The following MYBPC3 variants were observed in gnomAD, a reference collection of about 807,000 sequenced individuals.
MYBPC3 encodes myosin-binding protein C, cardiac-type.
In MYBPC3, 108 loss-of-function variants were observed where a neutral mutation model predicts 159.3. That is an observed-to-expected ratio of 0.68 (90% CI 0.58 to 0.80). The LOEUF is 0.80. Ranked by LOEUF, MYBPC3 falls within the 30% of genes least tolerant of loss-of-function variation. The pLI, the probability that MYBPC3 is intolerant of heterozygous loss-of-function variation, is 0.00. For synonymous variants in MYBPC3, 730 were observed against 702.0 expected (o/e 1.04, Z -0.63); for missense variants, 1,631 against 1,762.1 (o/e 0.93, Z 1.33).
Position 47,332,235 on chromosome 11 carries a change from A to G in MYBPC3, c.3651T>C (p.Asn1217=), listed in dbSNP as rs528649058. 1 of 1,613,830 alleles carries G rather than the reference A, an allele frequency of 6.2e-7. No homozygotes were observed. The highest frequency in any genetic ancestry group is 1.1e-5 in the South Asian group (1 of 91,078). The part of the protein sequence containing the change: ...SPKPKISWFK[N]GLDLGEDARF... ...GGGCGTCTTCTCCCAGGTCCAGGCC[A>G]TTCTTGAACCAGGAAATCTTGGGCT... is the stretch of plus-strand genomic sequence containing the variant. Residue 1217 remains asparagine, a synonymous_variant, in exon 33 of 35, where the codon AAT becomes AAC. Transcript: ENST00000545968. This position sits in a 1 kb window ranked among gnomAD's most constrained non-coding sequence, Gnocchi z 4.2.
rs747918558 is a variant in MYBPC3 at position 47,342,017 on chromosome 11, G to A, written c.1764C>T (p.Ser588=). The A allele has an allele frequency of 2.5e-6, 4 of 1,583,842 alleles. No individual in the cohort carries two copies. Among genetic ancestry groups the A allele is most frequent in the Middle Eastern group, 3.3e-4 (2 of 6,032 alleles). Residue 588 remains serine, a synonymous_variant, in exon 18 of 35, where the codon AGC becomes AGT. Transcript: ENST00000545968. ...GCCCGATGTGGGACACCTTTATGCG[G>A]CTGTCGGGCACCAGCTCCTTCCCAT... The part of the protein sequence containing the change: ...LKNGKELVPD[S]RIKVSHIGRV...
Position 47,346,158 on chromosome 11 carries a change from G to C in MYBPC3, c.1090+49C>G, listed in dbSNP as rs745577609. The C allele has an allele frequency of 1.2e-6, 2 of 1,608,416 alleles. No homozygotes were observed. The highest frequency in any genetic ancestry group is 4.5e-5 in the East Asian group (2 of 44,772). On this transcript the variant is annotated intron_variant, in intron 12 of 34. Coordinates refer to ENST00000545968, the MANE Select transcript of MYBPC3 (RefSeq NM_000256.3). This position sits in a 1 kb window ranked among gnomAD's most constrained non-coding sequence, Gnocchi z 5.3. ...CTATGCCCTCTCCTCTCCTGTGTAG[G>C]GAAGGGCTAGCCTGTGCCCTCTCCT...
intron 8 of MYBPC3, 74 bp downstream of exon 8, chr11:47,347,577 C>A (rs1445192271): frequency 1.3e-6 from 2 of 1,557,784 alleles, no homozygotes; most frequent in Non-Finnish European, 1.7e-6. Context: ...GGACACTAGC[C>A]AGATTGGGCT....
At chr11:47,349,162 G>A (rs554791713) in intron 5 of MYBPC3, among the ~76,000 whole-genome samples, 1 of 151,698 alleles carries the variant, frequency 6.6e-6, no homozygotes, top group East Asian at 2.0e-4. Context: ...ACTGGGGAAG[G>A]TTGGGAAAAG....
In MYBPC3 at chr11:47,342,903, C is replaced by T. The variant is rs755991329; in HGVS notation, c.1384G>A (p.Asp462Asn). The T allele has an allele frequency of 6.2e-7, 1 of 1,612,566 alleles. No individual in the cohort carries two copies. The highest frequency in any genetic ancestry group is 8.5e-7 in the Non-Finnish European group (1 of 1,179,258). ...CGCTGCCCCACCATCACCAGCTGGTCCTCCAAGGGGCGCGTGATGAGCACA... is the reference window on the plus strand; with the variant it reads ...CGCTGCCCCACCATCACCAGCTGGTTCTCCAAGGGGCGCGTGATGAGCACA... ...PPVLITRPLEDQLVMVGQRVE... is the reference protein window; with the variant it reads ...PPVLITRPLENQLVMVGQRVE... Residue 462 changes from aspartate to asparagine, a missense_variant, in exon 16 of 35, where the codon GAC becomes AAC. Asp to Asn is a conservative substitution (Grantham distance 23). Transcript: ENST00000545968.
intron 2 of MYBPC3, among the ~76,000 whole-genome samples, chr11:47,350,951 G>A (rs755422742): frequency 5.3e-4 from 81 of 152,266 alleles, no homozygotes; most frequent in East Asian, 3.9e-4. Context: ...CTTCCCGGCC[G>A]TCTGTGCAGG....
intron 25 of MYBPC3, 116 bp downstream of exon 25, chr11:47,337,275 T>C: frequency 1.7e-6 from 2 of 1,150,310 alleles, no homozygotes; most frequent in Non-Finnish European, 2.4e-6. Flanking sequence ...CAGTCGAGGA[T>C]GAAAGGAGAC....
rs1396237149 is a variant in MYBPC3, at chr11:47,331,650, A to C, written c.*93T>G. ...AGACACACTTGTCACACATACATCC[A>C]ACAGTAGGGAGGGGTTTCCCCAACT... On this transcript the variant is annotated 3_prime_UTR_variant, in exon 35 of 35. Coordinates refer to ENST00000545968, the MANE Select transcript of MYBPC3 (RefSeq NM_000256.3). 9 of 598,936 alleles carry C rather than the reference A, an allele frequency of 1.5e-5. No individual in the cohort carries two copies. Among genetic ancestry groups the C allele is most frequent in the Non-Finnish European group, 2.3e-5 (8 of 341,562 alleles). 37.1% of individuals were successfully genotyped at this position (598,936 alleles called of 1,614,324 possible).
Position 47,347,023 on chromosome 11 carries a change from T to A in MYBPC3, c.908+4A>T. The stretch of plus-strand genomic sequence containing the variant: ...CCCCCAAACACCCAGACCCCGATTC[T>A]TACTCTCTGGGCCACAGCAGCAGCA... On this transcript the variant is annotated splice_donor_region_variant and intron_variant, in intron 10 of 34. Transcript: ENST00000545968. 2.5e-6 allele frequency: 2 copies of A among 796,406 alleles called. No homozygotes were observed. The highest frequency in any genetic ancestry group is 4.5e-6 in the Non-Finnish European group (2 of 445,884). The allele number at this position is 796,406 out of a possible 1,614,324, so 49.3% of individuals were successfully genotyped here.
rs1352173686 is a variant in MYBPC3 at position 47,346,411 on chromosome 11, C to A, written c.927-41G>T. 1 of 1,513,608 alleles carries A rather than the reference C, an allele frequency of 6.6e-7. No homozygotes were observed. The highest frequency in any genetic ancestry group is 2.4e-5 in the East Asian group (1 of 41,452). The allele number at this position is 1,513,608 out of a possible 1,614,324, so 93.8% of individuals were successfully genotyped here. Reference sequence around the variant, plus strand: ...TAGGCTGTGGCCGGGGGCAAGACTGCAGCCCCCTGGGCGGGGCTTCCTGGG... The same window carrying A: ...TAGGCTGTGGCCGGGGGCAAGACTGAAGCCCCCTGGGCGGGGCTTCCTGGG... On this transcript the variant is annotated intron_variant, in intron 11 of 34. Coordinates refer to ENST00000545968, the MANE Select transcript of MYBPC3 (RefSeq NM_000256.3). The surrounding 1 kb of genome is among the most constrained non-coding windows in gnomAD (Gnocchi z 5.3).
In MYBPC3 at chr11:47,342,841, C is replaced by T. The variant is rs747627648; in HGVS notation, c.1446G>A (p.Ala482=). 3.1e-6 allele frequency: 5 copies of T among 1,612,196 alleles called. No homozygotes were observed. Among genetic ancestry groups the T allele is most frequent in the Non-Finnish European group, 4.2e-6 (5 of 1,178,928 alleles). Reference sequence around the variant, plus strand: ...CTTCTGGAACTCACCATTTGACTTGCGCCCCCTCCTCCGATACTTCACACT... The same window carrying T: ...CTTCTGGAACTCACCATTTGACTTGTGCCCCCTCCTCCGATACTTCACACT... ...EFECEVSEEG[A]QVKWLKDGVE... The change falls in exon 16 of 35, where the codon GCG becomes GCA. Residue 482 remains alanine (A), a synonymous_variant. Transcript: ENST00000545968.
intron 17 of MYBPC3, 130 bp from the exon 18 acceptor site, chr11:47,342,286 G>A (rs1413638883): frequency 6.1e-6 from 7 of 1,152,012 alleles, no homozygotes; most frequent in East Asian, 2.6e-5. Context: ...GTGAAAACAC[G>A]TGTGCCTGTG....
Position 47,336,023 on chromosome 11 carries a change from A to T in MYBPC3, c.2603-12T>A. ...TTCGCTGGGGGGACCTGGGCAGAGG[A>T]GAGGTCAGAGAGGGGTCTGAGCAAG... On this transcript the variant is annotated splice_polypyrimidine_tract_variant and intron_variant, in intron 25 of 34. Coordinates refer to ENST00000545968, the MANE Select transcript of MYBPC3 (RefSeq NM_000256.3). The T allele has an allele frequency of 6.8e-7, 1 of 1,475,562 alleles. No individual in the cohort carries two copies. The allele number at this position is 1,475,562 out of a possible 1,614,324, so 91.4% of individuals were successfully genotyped here.
intron 5 of MYBPC3, 46 bp from the exon 6 acceptor site, chr11:47,348,587 G>A: frequency 6.7e-7 from 1 of 1,485,032 alleles, no homozygotes; most frequent in Non-Finnish European, 9.3e-7. Context: ...CAGGGGCCGG[G>A]AGACAAGGCT....
At chr11:47,331,959 G>A (rs376162875) in intron 33 of MYBPC3, 78 bp from the exon 34 acceptor site, 169 of 1,592,356 alleles carry the variant, frequency 1.1e-4, no homozygotes, top group Middle Eastern at 6.0e-4. Context: ...GGCAGGGTCC[G>A]TGCCCTTGCA....
chr11:47,342,451 G>A, intron 17 of MYBPC3, 127 bp downstream of exon 17: 3 of 1,215,200 alleles, frequency 2.5e-6, no homozygotes, highest in Non-Finnish European at 3.3e-6. Flanking sequence ...TGAGGTTTAG[G>A]CTGTCAAAGG....
chr11:47,349,638 C>T (rs2095898224), intron 5 of MYBPC3, 136 bp downstream of exon 5: 2 of 1,292,180 alleles, frequency 1.5e-6, no homozygotes, highest in Non-Finnish European at 2.1e-6. Flanking sequence ...CCTCCACCTG[C>T]CTCCCAGATT....
intron 17 of MYBPC3, 22 bp downstream of exon 17, chr11:47,342,556 G>A (rs1270883523): frequency 1.9e-6 from 3 of 1,551,150 alleles, no homozygotes; most frequent in Non-Finnish European, 2.6e-6. Context: ...AAAGCCTCAT[G>A]TGCCCCCCCA....
intron 12 of MYBPC3, among the ~76,000 whole-genome samples, chr11:47,344,978 C>T (rs183751716): frequency 2.0e-4 from 31 of 152,184 alleles, no homozygotes; most frequent in African/African-American, 4.8e-4. Flanking sequence ...TTAGTAGAGA[C>T]GGGGTTTCAC....
Sources: allele counts gnomAD v4.1 joint callset (sites outside exome capture counted in the v4.1 genomes callset), GRCh38; gene constraint gnomAD v4.1.1; non-coding constraint Gnocchi (gnomAD v3.1); transcripts MANE v1.5; gene names NCBI Gene and HGNC (gene_info 2026-07-23, HGNC 2026-07-21).